LRSAM1: variants seen among roughly 807,000 people sequenced by gnomAD.
LRSAM1 encodes the protein leucine rich repeat and sterile alpha motif containing 1, also known as E3 ubiquitin-protein ligase LRSAM1.
A neutral mutation model predicts 118.1 loss-of-function variants in LRSAM1; 96 were observed. That is an observed-to-expected ratio of 0.81 (90% CI 0.69 to 0.96). The LOEUF (loss-of-function observed/expected upper bound fraction) is 0.96, where lower values mean the gene tolerates loss of function less well. Among genes scored for constraint, LRSAM1 ranks in the 40% least tolerant of loss-of-function variants. LRSAM1 has a pLI of 0.00. For missense variants in LRSAM1, 804 were observed against 915.5 expected (o/e 0.88, Z 1.57); for synonymous variants, 322 against 364.2 (o/e 0.88, Z 1.32).
At chr9:127,456,940 G>A (rs1047813755) in intron 5 of LRSAM1, among the ~76,000 whole-genome samples, 4 of 152,056 alleles carry the variant, frequency 2.6e-5, no homozygotes, top group African/African-American at 9.7e-5. Context: ...GCCAGCCCTG[G>A]AAGTTTTGCG....
chr9:127,492,910 C>T lies in LRSAM1; in HGVS notation c.1599+13C>T. On this transcript the variant is annotated intron_variant, in intron 21 of 25. Coordinates refer to ENST00000300417, the MANE Select transcript of LRSAM1 (RefSeq NM_001005373.4). The stretch of plus-strand genomic sequence containing the variant: ...CCGGGAAATCCTGGTATGTGTTTGG[C>T]TTCTGTGCTCAGCATCACACAGGCA... The T allele has an allele frequency of 6.2e-7, 1 of 1,610,430 alleles. No homozygotes were observed.
chr9:127,489,750 C>T (rs1835863427), intron 19 of LRSAM1, among the ~76,000 whole-genome samples: 1 of 152,218 alleles, frequency 6.6e-6, no homozygotes, highest in South Asian at 2.1e-4. Flanking sequence ...AGGGTCTTGC[C>T]AGCGAGGCGG....
chr9:127,495,857 G>GT, intron 22 of LRSAM1, 107 bp from the exon 23 acceptor site: 1 of 1,499,258 alleles, frequency 6.7e-7, no homozygotes, highest in South Asian at 1.2e-5. Flanking sequence ...AAAATCCCGA[G>GT]TACATTCTAT....
At chr9:127,453,227 G>A (rs1019291707) in intron 2 of LRSAM1, among the ~76,000 whole-genome samples, 9 of 152,042 alleles carry the variant, frequency 5.9e-5, no homozygotes, top group African/African-American at 2.2e-4. Flanking sequence ...GACTACAGGC[G>A]CATATCACCA....
intron 7 of LRSAM1, among the ~76,000 whole-genome samples, chr9:127,459,602 A>G (rs977608520): frequency 6.6e-6 from 1 of 151,636 alleles, no homozygotes; most frequent in South Asian, 2.1e-4. Context: ...CTTGTCACCC[A>G]GGCTGGAGTG....
chr9:127,493,562 C>T (rs1836015724), intron 21 of LRSAM1, among the ~76,000 whole-genome samples: 1 of 152,188 alleles, frequency 6.6e-6, no homozygotes, highest in Non-Finnish European at 1.5e-5. Context: ...ATGTGGATTA[C>T]TTCTGGTTTT....
At chr9:127,468,158 G>A (rs1244931103) in intron 10 of LRSAM1, among the ~76,000 whole-genome samples, 1 of 152,154 alleles carries the variant, frequency 6.6e-6, no homozygotes, top group Non-Finnish European at 1.5e-5. Context: ...GGTGCATATG[G>A]AAGGGCCTTG....
chr9:127,479,033 T>C, intron 12 of LRSAM1, 70 bp downstream of exon 12: 1 of 1,513,656 alleles, frequency 6.6e-7, no homozygotes. Context: ...CATAAAATAT[T>C]TGAGAAAATG....
At chr9:127,471,714 G>C (rs12340522) in intron 10 of LRSAM1, among the ~76,000 whole-genome samples, 1 of 151,076 alleles carries the variant, frequency 6.6e-6, no homozygotes, top group Admixed American at 6.6e-5. Flanking sequence ...TTGAACCCAT[G>C]AGGCAGAGGC....
At chr9:127,484,885 G>A (rs148004933) in intron 16 of LRSAM1, among the ~76,000 whole-genome samples, 3,796 of 143,610 alleles carry the variant, frequency 0.026, 145 homozygotes, top group African/African-American at 0.082. Flanking sequence ...CTCAGCTCAC[G>A]CAACCTCTGC....
chr9:127,491,682 G>A (rs1027767629), intron 20 of LRSAM1, among the ~76,000 whole-genome samples: 1 of 152,228 alleles, frequency 6.6e-6, no homozygotes, highest in African/African-American at 2.4e-5. Context: ...GCTTTTGGGT[G>A]TCCCGGGTTG....
chr9:127,489,856 C>T lies in LRSAM1; in HGVS notation c.1422+338C>T, dbSNP rs146906754. Among the ~76,000 whole-genome samples the T allele has an allele frequency of 6.0e-4, 91 of 152,374 alleles. 1 individual carries two copies. The East Asian group carries it at 0.013, about 22-fold the overall frequency. ...GTCCCTGCTCCAGGCAGGACTTCCC[C>T]ACTGGGAAAAGCAGCCGGCGCAGGC... On this transcript the variant is annotated intron_variant, in intron 19 of 25. Transcript: ENST00000300417.
At position 127,473,888 on chromosome 9, in the gene LRSAM1, A is replaced by G. The variant is rs770711645; in HGVS notation, c.707A>G (p.Asp236Gly). 2 of 1,614,252 alleles carry G rather than the reference A, an allele frequency of 1.2e-6. No individual in the cohort carries two copies. Among genetic ancestry groups the G allele is most frequent in the Non-Finnish European group, 1.7e-6 (2 of 1,180,040 alleles). Residue 236 changes from aspartate to glycine, a missense_variant, in exon 11 of 26, where the codon GAT (aspartate) becomes GGT (glycine). Physicochemically the swap from Asp to Gly is moderately conservative, Grantham distance 94. Transcript: ENST00000300417. ...ATCGAGAACTCTCGGGACAGCCCTG[A>G]TGGGCCCACGGACAGATTCTCAAGG... The part of the protein sequence containing the change: ...DGIENSRDSP[D>G]GPTDRFSREE...
At chr9:127,469,620 G>GAA (rs11462415) in intron 10 of LRSAM1, among the ~76,000 whole-genome samples, 95 of 147,386 alleles carry the variant, frequency 6.4e-4, no homozygotes, top group African/African-American at 7.4e-4. Context: ...CTTTTCAATG[G>GAA]AAAAAAAAAA....
Position 127,467,771 on chromosome 9 carries a change from A to T in LRSAM1, c.560A>T (p.Tyr187Phe). The change falls in exon 10 of 26, where the codon TAC becomes TTC. Residue 187 changes from tyrosine to phenylalanine, a missense_variant. By Grantham distance (22) the Tyr-to-Phe change is conservative. Coordinates refer to ENST00000300417, the MANE Select transcript of LRSAM1 (RefSeq NM_001005373.4). ...AGCCTTGACGCCTCGGCCATGGTCTACCCGCCGCGGGAGGTGTGTGGTGCC... is the reference window on the plus strand; with the variant it reads ...AGCCTTGACGCCTCGGCCATGGTCTTCCCGCCGCGGGAGGTGTGTGGTGCC... Reference protein sequence around the residue: ...MLSLDASAMVYPPREVCGAGT... With the variant: ...MLSLDASAMVFPPREVCGAGT... 1.2e-6 allele frequency: 2 copies of T among 1,609,422 alleles called. No homozygotes were observed. The highest frequency in any genetic ancestry group is 1.7e-6 in the Non-Finnish European group (2 of 1,178,574).
chr9:127,460,691 G>A lies in LRSAM1; in HGVS notation c.322-482G>A, dbSNP rs563308364. On this transcript the variant is annotated intron_variant, in intron 7 of 25. Transcript: ENST00000300417. Reference sequence around the variant, plus strand: ...CTTCAGTTTTTTTCCTGTCTCCAGCGGAAACAAGAATTTCTGTCTTCCTCA... The same window carrying A: ...CTTCAGTTTTTTTCCTGTCTCCAGCAGAAACAAGAATTTCTGTCTTCCTCA... 1.4e-4 allele frequency among the ~76,000 whole-genome samples: 22 copies of A among 152,182 alleles called. No individual in the cohort carries two copies. In the East Asian group the frequency reaches 3.1e-3, roughly 21 times the overall value.
intron 24 of LRSAM1, among the ~76,000 whole-genome samples, chr9:127,499,050 T>C (rs1456270011): frequency 7.9e-6 from 1 of 126,540 alleles, no homozygotes; most frequent in East Asian, 2.0e-4. Context: ...AGTGAAACTC[T>C]GTCTCAAAAA....
At chr9:127,458,729 T>TA (rs1213828811) in intron 6 of LRSAM1, among the ~76,000 whole-genome samples, 1 of 152,246 alleles carries the variant, frequency 6.6e-6, no homozygotes, top group Non-Finnish European at 1.5e-5. Flanking sequence ...CAATGGAGTG[T>TA]TTCTTTTTAA....
chr9:127,470,523 A>G lies in LRSAM1; in HGVS notation c.619+2693A>G, dbSNP rs115226542. Among the ~76,000 whole-genome samples, 33 of 152,194 alleles carry G rather than the reference A, an allele frequency of 2.2e-4. 2 individuals carry two copies. The South Asian group carries it at 4.4e-3, about 20-fold the overall frequency. Reference sequence around the variant, plus strand: ...CAGAGCCAGACCATATCAATGCCCAATGGAAATGCATATGAATAAATGCCA... The same window carrying G: ...CAGAGCCAGACCATATCAATGCCCAGTGGAAATGCATATGAATAAATGCCA... On this transcript the variant is annotated intron_variant, in intron 10 of 25. Transcript: ENST00000300417.
Sources: allele counts gnomAD v4.1 joint callset (sites outside exome capture counted in the v4.1 genomes callset), GRCh38; gene constraint gnomAD v4.1.1; transcripts MANE v1.5; gene names NCBI Gene and HGNC (gene_info 2026-07-23, HGNC 2026-07-21).